The following DNM3 variants were observed in gnomAD, a reference collection of about 807,000 sequenced individuals.
DNM3 encodes the protein dynamin-3.
A neutral mutation model predicts 101.6 loss-of-function variants in DNM3; 47 were observed. That is an observed-to-expected ratio of 0.46 (90% CI 0.37 to 0.59). The LOEUF (loss-of-function observed/expected upper bound fraction) is 0.59. DNM3 is among the 20% of genes least tolerant of loss of function. The pLI is 0.00. For synonymous variants in DNM3, 385 were observed against 387.9 expected (o/e 0.99, Z 0.09); for missense variants, 849 against 1,085.7 (o/e 0.78, Z 3.06).
intron 1 of DNM3, among the ~76,000 whole-genome samples, chr1:171,892,592 A>C (rs1443231876): frequency 6.6e-6 from 1 of 152,178 alleles, no homozygotes; most frequent in Non-Finnish European, 1.5e-5. Context: ...AACAGTCAGA[A>C]ACTTGGTTGC....
intron 9 of DNM3, among the ~76,000 whole-genome samples, chr1:172,044,898 G>A (rs1056682966): frequency 1.3e-5 from 2 of 152,134 alleles, no homozygotes; most frequent in Non-Finnish European, 2.9e-5. Flanking sequence ...GTTTCAACAG[G>A]CCAGGAGGTG....
At chr1:172,264,057 A>G (rs1408007533) in intron 15 of DNM3, among the ~76,000 whole-genome samples, 1 of 152,228 alleles carries the variant, frequency 6.6e-6, no homozygotes, top group African/African-American at 2.4e-5. Context: ...ACAGCATAGT[A>G]TTTAGCCACA....
rs527248048 is a variant in DNM3, at chr1:172,018,273, C to T, written c.590-14129C>T. Reference sequence around the variant, plus strand: ...CTATTTGTTGCCCTTGTTTTCTTTCCTTGTTTTTGTATCCCACTCTTTTTC... The same window carrying T: ...CTATTTGTTGCCCTTGTTTTCTTTCTTTGTTTTTGTATCCCACTCTTTTTC... On this transcript the variant is annotated intron_variant, in intron 4 of 20. Transcript: ENST00000627582. 3.8e-4 allele frequency among the ~76,000 whole-genome samples: 58 copies of T among 151,420 alleles called. 1 individual carries two copies. Among genetic ancestry groups the T allele is most frequent in the Non-Finnish European group, 6.6e-4 (45 of 67,764 alleles).
chr1:172,131,399 G>C, intron 14 of DNM3, 111 bp downstream of exon 14: 1 of 854,650 alleles, frequency 1.2e-6, no homozygotes, highest in South Asian at 1.8e-5. Context: ...CTTTCAGTGA[G>C]ATTAAGCTTG....
chr1:171,888,200 G>A (rs1347402839), intron 1 of DNM3, among the ~76,000 whole-genome samples: 3 of 151,734 alleles, frequency 2.0e-5, no homozygotes, highest in African/African-American at 7.3e-5. Context: ...TGCTTGTGAA[G>A]TGTGAAAAAA....
chr1:172,127,286 C>T (rs2056682766), intron 13 of DNM3, among the ~76,000 whole-genome samples: 1 of 152,050 alleles, frequency 6.6e-6, no homozygotes. Context: ...CAGCTTTATT[C>T]CTATTCAAGG....
intron 16 of DNM3, among the ~76,000 whole-genome samples, chr1:172,316,294 G>T (rs375226182): frequency 6.6e-6 from 1 of 152,038 alleles, no homozygotes. Flanking sequence ...ATGCCAAAAT[G>T]TAAAGACCAT....
chr1:171,864,375 C>A (rs572008880), intron 1 of DNM3: 2 of 152,320 alleles, frequency 1.3e-5, no homozygotes, highest in East Asian at 3.9e-4. Context: ...ATATTCTGAT[C>A]TACCCTGCAT....
intron 15 of DNM3, among the ~76,000 whole-genome samples, chr1:172,290,321 G>C (rs1262112184): frequency 2.0e-5 from 3 of 152,152 alleles, no homozygotes; most frequent in African/African-American, 4.8e-5. Context: ...AGAGGGGTTA[G>C]GGGAGGCTTC....
At chr1:172,318,425 T>C (rs1171874778) in intron 16 of DNM3, among the ~76,000 whole-genome samples, 1 of 152,140 alleles carries the variant, frequency 6.6e-6, no homozygotes, top group Non-Finnish European at 1.5e-5. Flanking sequence ...GGTATTCAAT[T>C]AGGAAAAGAG....
chr1:172,022,653 G>A (rs750243666), intron 4 of DNM3, among the ~76,000 whole-genome samples: 3 of 151,894 alleles, frequency 2.0e-5, no homozygotes, highest in Non-Finnish European at 4.4e-5. Context: ...CCTGACTCTT[G>A]ATTATTGATT....
At chr1:172,158,715 G>A (rs113332464) in intron 14 of DNM3, among the ~76,000 whole-genome samples, 83 of 152,072 alleles carry the variant, frequency 5.5e-4, no homozygotes, top group African/African-American at 2.0e-3. Context: ...GATACTGTTT[G>A]GGTTTGTTTT....
chr1:172,284,249 C>T (rs112502316), intron 15 of DNM3, among the ~76,000 whole-genome samples: 1,862 of 152,178 alleles, frequency 0.012, 34 homozygotes, highest in African/African-American at 0.042. Context: ...TTTTCTTTAT[C>T]TGGGTTATGA....
At chr1:172,319,792 A>C (rs1295458125) in intron 16 of DNM3, among the ~76,000 whole-genome samples, 1 of 152,206 alleles carries the variant, frequency 6.6e-6, no homozygotes, top group Non-Finnish European at 1.5e-5. Context: ...TGGGACTGTA[A>C]ACTAGTTCAA....
intron 14 of DNM3, among the ~76,000 whole-genome samples, chr1:172,156,786 A>G (rs756975156): frequency 6.6e-6 from 1 of 152,084 alleles, no homozygotes; most frequent in Non-Finnish European, 1.5e-5. Context: ...AGCATTTAGG[A>G]CATATAAAGC....
intron 2 of DNM3, among the ~76,000 whole-genome samples, chr1:171,981,766 A>T (rs2044815591): frequency 6.6e-6 from 1 of 152,262 alleles, no homozygotes. Flanking sequence ...ACAGAAAATA[A>T]TCAAAACTAG....
chr1:172,275,736 C>G (rs1213437677), intron 15 of DNM3, among the ~76,000 whole-genome samples: 1 of 152,118 alleles, frequency 6.6e-6, no homozygotes, highest in Non-Finnish European at 1.5e-5. Flanking sequence ...TTTGGAGAAC[C>G]TGGCTCCCAT....
At position 172,162,105 on chromosome 1, in the gene DNM3, A is replaced by T. The variant is rs931267006; in HGVS notation, c.1659+30817A>T. Among the ~76,000 whole-genome samples, 10 of 152,142 alleles carry T rather than the reference A, an allele frequency of 6.6e-5. No individual in the cohort carries two copies. In the East Asian group the frequency reaches 1.9e-3, roughly 29 times the overall value. On this transcript the variant is annotated intron_variant, in intron 14 of 20. Transcript: ENST00000627582. ...TTCATTCAACAAATATATATTAGAC[A>T]TGGACTTATGTTAGTAAATATTTTT...
intron 14 of DNM3, among the ~76,000 whole-genome samples, chr1:172,152,259 C>A (rs2058162812): frequency 6.6e-6 from 1 of 151,316 alleles, no homozygotes; most frequent in Admixed American, 6.6e-5. Context: ...AATGGACTTC[C>A]CTTCCTTTTT....
Sources: gnomAD v4.1 joint callset for allele counts (sites outside exome capture counted in the v4.1 genomes callset) on GRCh38, gnomAD v4.1.1 for gene constraint, MANE v1.5 for transcripts, NCBI Gene and HGNC (gene_info 2026-07-23, HGNC 2026-07-21) for gene names.